The following TGFBR3 variants were observed in gnomAD, a reference collection of about 807,000 sequenced individuals.
TGFBR3 encodes the protein transforming growth factor beta receptor 3.
A neutral mutation model predicts 87.9 loss-of-function variants in TGFBR3; 46 were observed. The observed-to-expected ratio is 0.52, with a 90% CI of 0.41 to 0.67. TGFBR3 has a LOEUF of 0.67. Among genes scored for constraint, TGFBR3 ranks in the 30% least tolerant of loss-of-function variants. The pLI is 0.00. For missense variants in TGFBR3, 866 were observed against 1,041.9 expected (o/e 0.83, Z 2.32); for synonymous variants, 381 against 391.6 (o/e 0.97, Z 0.32).
intron 12 of TGFBR3, 84 bp from the exon 13 acceptor site, chr1:91,712,626 C>T: frequency 7.8e-7 from 1 of 1,286,156 alleles, no homozygotes; most frequent in Non-Finnish European, 1.1e-6. Context: ...GCCAAGACAG[C>T]CCTTCAGATG....
At chr1:91,867,715 G>A (rs948538367) in intron 1 of TGFBR3, among the ~76,000 whole-genome samples, 1 of 152,112 alleles carries the variant, frequency 6.6e-6, no homozygotes, top group Admixed American at 6.5e-5. Context: ...TCATTTATAA[G>A]GGTGTCTGCT....
chr1:91,797,493 C>T, intron 2 of TGFBR3, 22 bp from the exon 3 acceptor site: 1 of 1,612,522 alleles, frequency 6.2e-7, no homozygotes, highest in Non-Finnish European at 8.5e-7. Context: ...ATCACAAACA[C>T]AAGCCACTCA....
At chr1:91,820,553 GCGGGCACCTGTAGTCCCAGCTACT>G (rs971996291) in intron 2 of TGFBR3, among the ~76,000 whole-genome samples, 2 of 152,110 alleles carry the variant, frequency 1.3e-5, no homozygotes, top group African/African-American at 4.8e-5. Flanking sequence ...GGGCGGGGTG[GCGGGCACCTGTAGTCCCAGCTACT>G]CGGGAGGCTG....
chr1:91,720,318 T>G (rs1219465721), intron 8 of TGFBR3, 88 bp from the exon 9 acceptor site: 12 of 1,273,310 alleles, frequency 9.4e-6, no homozygotes, highest in Admixed American at 2.0e-5. Flanking sequence ...GGAATTAGCA[T>G]AGAATGGGCA....
chr1:91,697,494 G>A (rs1472508507), intron 15 of TGFBR3, among the ~76,000 whole-genome samples: 2 of 152,192 alleles, frequency 1.3e-5, no homozygotes, highest in African/African-American at 4.8e-5. Context: ...CTGCCTCAAT[G>A]CCAATGAGGC....
In TGFBR3 at chr1:91,719,377, G is replaced by A; in HGVS notation, c.1501C>T (p.Pro501Ser). ...GGCCGAGTACCGCAGCCATTCAGAG[G>A]AGACTCCAAAACAAAGTGTGTGCCA... is the stretch of plus-strand genomic sequence containing the variant. ...MNGTHFVLES[P>S]LNGCGTRPRW... is the part of the protein sequence containing the mutation. The change falls in exon 10 of 17, where the codon CCT becomes TCT. Residue 501 changes from proline to serine, a missense_variant. Pro to Ser is a moderately conservative substitution (Grantham distance 74, BLOSUM62 -1). Transcript: ENST00000212355. The A allele has an allele frequency of 6.2e-7, 1 of 1,614,166 alleles. No homozygotes were observed. The highest frequency in any genetic ancestry group is 1.1e-5 in the South Asian group (1 of 91,082).
At chr1:91,861,373 C>T in intron 2 of TGFBR3, 98 bp downstream of exon 2, 1 of 950,524 alleles carries the variant, frequency 1.1e-6, no homozygotes, top group Non-Finnish European at 1.7e-6. Context: ...GCACTCCAGC[C>T]TGGGTAACAG....
intron 6 of TGFBR3, among the ~76,000 whole-genome samples, chr1:91,728,208 A>C (rs1235441073): frequency 6.6e-6 from 1 of 152,128 alleles, no homozygotes; most frequent in African/African-American, 2.4e-5. Flanking sequence ...TCAAAACTGA[A>C]GTAGGTGGCA....
chr1:91,763,763 T>A (rs1354629733), intron 3 of TGFBR3, among the ~76,000 whole-genome samples: 1 of 152,140 alleles, frequency 6.6e-6, no homozygotes, highest in Non-Finnish European at 1.5e-5. Flanking sequence ...CAATATGACT[T>A]TTAGGAACTC....
chr1:91,857,332 C>T (rs953851866), intron 2 of TGFBR3, among the ~76,000 whole-genome samples: 1 of 151,968 alleles, frequency 6.6e-6, no homozygotes, highest in Non-Finnish European at 1.5e-5. Context: ...ATTTCCACAC[C>T]AGCTCTCCAG....
At position 91,680,724 on chromosome 1, in the gene TGFBR3, C is replaced by G. The variant is rs1159167998; in HGVS notation, c.*3015G>C. 8.8e-6 allele frequency: 4 copies of G among 453,964 alleles called. No homozygotes were observed. Among genetic ancestry groups the G allele is most frequent in the Non-Finnish European group, 1.8e-5 (4 of 226,792 alleles). The allele number at this position is 453,964 out of a possible 1,614,324, so 28.1% of individuals were successfully genotyped here. On this transcript the variant is annotated 3_prime_UTR_variant, in exon 17 of 17. Transcript: ENST00000212355. ...CTGTTAACACAACCAGCAGTACAAT[C>G]ATCATTCAAACCATGAGGTAGTTAC... is the stretch of plus-strand genomic sequence containing the variant.
Position 91,680,865 on chromosome 1 carries a change from A to AT in TGFBR3, c.*2873dup, listed in dbSNP as rs376911402. On this transcript the variant is annotated 3_prime_UTR_variant, in exon 17 of 17. Coordinates refer to ENST00000212355, the MANE Select transcript of TGFBR3 (RefSeq NM_003243.5). ...TTATTACAAGGCAAAGAAAAAAACC[A>AT]TTTTTTTTGTTTAGAAAATGCTATA... 3.8e-4 allele frequency: 169 copies of AT among 447,510 alleles called. 2 individuals carry two copies. The highest frequency in any genetic ancestry group is 1.3e-3 in the African/African-American group (66 of 49,702). 27.7% of individuals were successfully genotyped at this position (447,510 alleles called of 1,614,324 possible). A position where few individuals can be genotyped will look rare whatever the true frequency, so the allele number is the denominator to read the frequency against.
At chr1:91,731,451 C>G (rs756326012) in intron 5 of TGFBR3, among the ~76,000 whole-genome samples, 8 of 152,218 alleles carry the variant, frequency 5.3e-5, no homozygotes, top group Admixed American at 1.3e-4. Context: ...TTCCCCTCCC[C>G]CTCAGAGAGA....
intron 1 of TGFBR3, among the ~76,000 whole-genome samples, chr1:91,877,278 T>A (rs1241611891): frequency 6.6e-6 from 1 of 152,150 alleles, no homozygotes; most frequent in African/African-American, 2.4e-5. Flanking sequence ...GGTATCTAGA[T>A]GGGATACTTT....
At chr1:91,880,330 A>G (rs960444464) in intron 1 of TGFBR3, among the ~76,000 whole-genome samples, 2 of 152,176 alleles carry the variant, frequency 1.3e-5, no homozygotes, top group African/African-American at 4.8e-5. Flanking sequence ...GCCGGGCGCG[A>G]TGGCTCACAC....
At chr1:91,870,310 T>C (rs1371493545) in intron 1 of TGFBR3, among the ~76,000 whole-genome samples, 1 of 152,228 alleles carries the variant, frequency 6.6e-6, no homozygotes, top group African/African-American at 2.4e-5. Context: ...TATCATTTTG[T>C]GTATAATTTG....
At chr1:91,725,266 T>C (rs996933538) in intron 7 of TGFBR3, among the ~76,000 whole-genome samples, 2 of 152,200 alleles carry the variant, frequency 1.3e-5, no homozygotes, top group African/African-American at 4.8e-5. Context: ...CATCCATATT[T>C]AATGGTGCTC....
intron 7 of TGFBR3, among the ~76,000 whole-genome samples, chr1:91,723,421 C>T (rs1164133524): frequency 7.3e-6 from 1 of 137,404 alleles, no homozygotes; most frequent in African/African-American, 2.8e-5. Flanking sequence ...TTAGAGGTTG[C>T]AGTAAGCTAT....
intron 2 of TGFBR3, among the ~76,000 whole-genome samples, chr1:91,803,144 A>G (rs749624094): frequency 1.1e-4 from 16 of 152,168 alleles, no homozygotes; most frequent in Non-Finnish European, 1.8e-4. Context: ...AAGGCCCTCC[A>G]AGATCTGGCC....
Sources: allele counts gnomAD v4.1 joint callset (sites outside exome capture counted in the v4.1 genomes callset), GRCh38; gene constraint gnomAD v4.1.1; transcripts MANE v1.5; gene names NCBI Gene and HGNC (gene_info 2026-07-23, HGNC 2026-07-21).